Variants in TRIM38 observed in about 807,000 individuals in gnomAD.
TRIM38 encodes the protein tripartite motif containing 38.
TRIM38 carries 35 observed loss-of-function variants against 35.8 expected under a neutral mutation model. That is an observed-to-expected ratio of 0.98 (90% CI 0.75 to 1.30). TRIM38 has a LOEUF of 1.30. Ranked by LOEUF, TRIM38 falls within the 50% of genes most tolerant of loss-of-function variation. TRIM38 has a pLI of 0.00. For missense variants in TRIM38, 545 were observed against 556.9 expected (o/e 0.98, Z 0.21); for synonymous variants, 198 against 204.7 (o/e 0.97, Z 0.28).
At position 25,989,932 on chromosome 6, in the gene TRIM38, T is replaced by C. The variant is rs1032508299; in HGVS notation, c.*6245T>C. The C allele has an allele frequency of 6.6e-6, 1 of 152,172 alleles. No homozygotes were observed. The highest frequency in any genetic ancestry group is 2.4e-5 in the African/African-American group (1 of 41,450). The allele number at this position is 152,172 out of a possible 1,614,324, so 9.4% of individuals were successfully genotyped here. ...AACTAATATCTATTCATTTTTGCAC[T>C]GTTGGAAGAAAATTACTGATCAAAT... On this transcript the variant is annotated 3_prime_UTR_variant, in exon 8 of 8. Transcript: ENST00000357085.
In TRIM38 at chr6:25,983,546, G is replaced by A. The variant is rs1460413992; in HGVS notation, c.1257G>A (p.Glu419=). The change falls in exon 8 of 8, where the codon GAG becomes GAA. Residue 419 remains glutamate (E), a synonymous_variant. Coordinates refer to ENST00000357085, the MANE Select transcript of TRIM38 (RefSeq NM_006355.5). ...TTGTGGGAATTTTTCTGGACTATGA[G>A]GCCGGAGTTGTATCCTTTTATAACG... The part of the protein sequence containing the change: ...PLLVGIFLDY[E]AGVVSFYNGN... 3 of 1,614,032 alleles carry A rather than the reference G, an allele frequency of 1.9e-6. No homozygotes were observed. The Admixed American group carries it at 5.0e-5, about 27-fold the overall frequency.
At chr6:25,971,034 T>C (rs1388231522) in intron 4 of TRIM38, among the ~76,000 whole-genome samples, 1 of 152,198 alleles carries the variant, frequency 6.6e-6, no homozygotes, top group Non-Finnish European at 1.5e-5. Context: ...CTGCCAAGAA[T>C]TATGGACCCT....
intron 7 of TRIM38, among the ~76,000 whole-genome samples, chr6:25,978,580 T>C (rs920936940): frequency 6.6e-6 from 1 of 151,986 alleles, no homozygotes; most frequent in African/African-American, 2.4e-5. Context: ...GGTGCGATCA[T>C]GGCTCCACCA....
chr6:25,969,742 C>A (rs1490111138), intron 4 of TRIM38, among the ~76,000 whole-genome samples: 2 of 151,918 alleles, frequency 1.3e-5, no homozygotes, highest in Non-Finnish European at 2.9e-5. Context: ...CAAAATAAAC[C>A]TGGTTTGCAG....
chr6:25,966,212 CT>C, intron 2 of TRIM38, 122 bp from the exon 3 acceptor site: 2 of 273,586 alleles, frequency 7.3e-6, no homozygotes, highest in Non-Finnish European at 6.8e-6. Flanking sequence ...TTTAAAACTG[CT>C]TTTTTTCCTC....
intron 7 of TRIM38, among the ~76,000 whole-genome samples, chr6:25,976,974 GC>G (rs1168554200): frequency 6.6e-6 from 1 of 151,564 alleles, no homozygotes; most frequent in East Asian, 1.9e-4. Context: ...ATGTCCATTA[GC>G]CCTTCAGGCC....
chr6:25,985,345 T>C lies in TRIM38; in HGVS notation c.*1658T>C, dbSNP rs1164072228. The C allele has an allele frequency of 6.6e-6, 1 of 151,498 alleles. No homozygotes were observed. Among genetic ancestry groups the C allele is most frequent in the Non-Finnish European group, 1.5e-5 (1 of 67,874 alleles). The allele number at this position is 151,498 out of a possible 1,614,324, so 9.4% of individuals were successfully genotyped here. Reference sequence around the variant, plus strand: ...AAAAAGTTGCCTTCCCACAATTTACTGCACTAGAAACTCAAAGTCCTTTTC... The same window carrying C: ...AAAAAGTTGCCTTCCCACAATTTACCGCACTAGAAACTCAAAGTCCTTTTC... On this transcript the variant is annotated 3_prime_UTR_variant, in exon 8 of 8. Coordinates refer to ENST00000357085, the MANE Select transcript of TRIM38 (RefSeq NM_006355.5).
chr6:25,978,021 C>T (rs1760447322), intron 7 of TRIM38, among the ~76,000 whole-genome samples: 1 of 152,098 alleles, frequency 6.6e-6, no homozygotes, highest in South Asian at 2.1e-4. Flanking sequence ...CCAGTGTCTT[C>T]ATAATATATA....
At chr6:25,971,422 G>A (rs1026924514) in intron 4 of TRIM38, among the ~76,000 whole-genome samples, 2 of 152,216 alleles carry the variant, frequency 1.3e-5, no homozygotes, top group Admixed American at 1.3e-4. Context: ...GATTGTGTGT[G>A]TGTGTGTGTT....
chr6:25,968,590 A>C (rs528285572), intron 3 of TRIM38, among the ~76,000 whole-genome samples: 71 of 152,266 alleles, frequency 4.7e-4, no homozygotes, highest in African/African-American at 1.5e-3. Context: ...AGAACACTCG[A>C]GAATGAATGA....
At chr6:25,977,456 G>A (rs1760427720) in intron 7 of TRIM38, among the ~76,000 whole-genome samples, 1 of 152,188 alleles carries the variant, frequency 6.6e-6, no homozygotes. Context: ...GATCACTTGA[G>A]GGCAGGAGTT....
intron 3 of TRIM38, 47 bp from the exon 4 acceptor site, chr6:25,969,278 T>G: frequency 1.4e-6 from 2 of 1,418,044 alleles, no homozygotes. Context: ...AGGTCCCTAA[T>G]GAAGAGTCAA....
Position 25,983,317 on chromosome 6 carries a change from C to T in TRIM38, c.1028C>T (p.Thr343Ile). 6.2e-7 allele frequency: 1 copy of T among 1,614,126 alleles called. No homozygotes were observed. The change falls in exon 8 of 8, where the codon ACC becomes ATC. Residue 343 changes from threonine to isoleucine, a missense_variant. By Grantham distance (89) the Thr-to-Ile change is moderately conservative. Transcript: ENST00000357085. ...FPCVLGCEGF[T>I]SGRRYFEVDV... is the part of the protein sequence containing the mutation. ...TGTGTCTTGGGTTGTGAAGGCTTCA[C>T]CTCAGGAAGACGTTACTTTGAAGTG...
At position 25,990,013 on chromosome 6, in the gene TRIM38, T is replaced by C. The variant is rs1341398161; in HGVS notation, c.*6326T>C. 2 of 151,770 alleles carry C rather than the reference T, an allele frequency of 1.3e-5. No homozygotes were observed. The highest frequency in any genetic ancestry group is 2.9e-5 in the Non-Finnish European group (2 of 67,968). 9.4% of individuals were successfully genotyped at this position (151,770 alleles called of 1,614,324 possible). On this transcript the variant is annotated 3_prime_UTR_variant, in exon 8 of 8. Transcript: ENST00000357085. ...ATATTGTCTACTTTATCATCCTTTT[T>C]TTTTTTTTCTTTCTTCCTTTTTAGA...
chr6:25,963,131 G>GC lies in TRIM38; in HGVS notation c.-336dup, dbSNP rs1759901357. 6.6e-6 allele frequency: 1 copy of GC among 152,302 alleles called. No individual in the cohort carries two copies. The highest frequency in any genetic ancestry group is 2.4e-5 in the African/African-American group (1 of 41,386). The allele number at this position is 152,302 out of a possible 1,614,324, so 9.4% of individuals were successfully genotyped here. ...ACCCTGGAGCCTTGGAAGGAGGGGA[G>GC]CCCCATCTCCCCAGAAGAGCAGTGA... is the stretch of plus-strand genomic sequence containing the variant. On this transcript the variant is annotated 5_prime_UTR_variant, in exon 2 of 8. An upstream open reading frame in the 5' UTR loses its in-frame stop. Coordinates refer to ENST00000357085, the MANE Select transcript of TRIM38 (RefSeq NM_006355.5).
rs1760313981 is a variant in TRIM38, at chr6:25,973,886, C to T, written c.874+601C>T. 5 of 984,840 alleles carry T rather than the reference C, an allele frequency of 5.1e-6. No individual in the cohort carries two copies. The South Asian group carries it at 1.9e-4, about 37-fold the overall frequency. The allele number at this position is 984,840 out of a possible 1,614,324, so 61.0% of individuals were successfully genotyped here. On this transcript the variant is annotated intron_variant, in intron 7 of 7. Transcript: ENST00000357085. Reference sequence around the variant, plus strand: ...CCTTGATTTTTTAAATCAGTGCTGACTATACTTTCACAAATTTGTATCCGT... The same window carrying T: ...CCTTGATTTTTTAAATCAGTGCTGATTATACTTTCACAAATTTGTATCCGT...
chr6:25,974,577 A>T (rs1760336259), intron 7 of TRIM38, among the ~76,000 whole-genome samples: 1 of 152,204 alleles, frequency 6.6e-6, no homozygotes, highest in African/African-American at 2.4e-5. Flanking sequence ...GCCACCCTTG[A>T]GTCTGTCTTC....
intron 7 of TRIM38, among the ~76,000 whole-genome samples, chr6:25,976,978 T>C (rs980222308): frequency 1.3e-5 from 2 of 151,704 alleles, no homozygotes; most frequent in African/African-American, 4.9e-5. Flanking sequence ...CCATTAGCCC[T>C]TCAGGCCTCT....
At chr6:25,977,430 G>A (rs931203359) in intron 7 of TRIM38, among the ~76,000 whole-genome samples, 4 of 152,220 alleles carry the variant, frequency 2.6e-5, no homozygotes, top group Non-Finnish European at 5.9e-5. Flanking sequence ...AGCACATTGG[G>A]AGGCCGAGGC....
Sources: allele counts gnomAD v4.1 joint callset (sites outside exome capture counted in the v4.1 genomes callset), GRCh38; gene constraint gnomAD v4.1.1; transcripts MANE v1.5; gene names NCBI Gene and HGNC (gene_info 2026-07-23, HGNC 2026-07-21).